Variants in KIF16B observed in about 807,000 individuals in gnomAD.
KIF16B encodes the protein kinesin family member 16B.
KIF16B carries 98 observed loss-of-function variants against 156.3 expected under a neutral mutation model. The observed-to-expected ratio is 0.63, with a 90% CI of 0.53 to 0.74. The LOEUF (loss-of-function observed/expected upper bound fraction) is 0.74, where lower values mean the gene tolerates loss of function less well. Among genes scored for constraint, KIF16B ranks in the 30% least tolerant of loss-of-function variants. KIF16B has a pLI of 0.00. For synonymous variants in KIF16B, 564 were observed against 583.7 expected (o/e 0.97, Z 0.49); for missense variants, 1,421 against 1,606.5 (o/e 0.88, Z 1.97).
Position 16,546,122 on chromosome 20 carries a change from T to A in KIF16B, c.48-17682A>T, listed in dbSNP as rs542766373. Among the ~76,000 whole-genome samples the A allele has an allele frequency of 3.3e-5, 5 of 152,348 alleles. No homozygotes were observed. The East Asian group carries it at 9.6e-4, about 29-fold the overall frequency. ...CAAGCATAGTGCCTAACATGTATAT[T>A]GCCAAGCACAGTGGTTTAATAATTG... On this transcript the variant is annotated intron_variant, in intron 1 of 25. Coordinates refer to ENST00000354981, the MANE Select transcript of KIF16B (RefSeq NM_024704.5).
At chr20:16,502,671 A>G (rs1204413830) in intron 10 of KIF16B, among the ~76,000 whole-genome samples, 1 of 152,196 alleles carries the variant, frequency 6.6e-6, no homozygotes, top group Non-Finnish European at 1.5e-5. Flanking sequence ...GGCATTTTTC[A>G]GAGAGAAAAT....
At position 16,458,749 on chromosome 20, in the gene KIF16B, C is replaced by T. The variant is rs185364507; in HGVS notation, c.1303-28767G>A. Among the ~76,000 whole-genome samples the T allele has an allele frequency of 2.0e-5, 3 of 151,854 alleles. No individual in the cohort carries two copies. In the East Asian group the frequency reaches 5.8e-4, roughly 29 times the overall value. On this transcript the variant is annotated intron_variant, in intron 12 of 25. Transcript: ENST00000354981. The stretch of plus-strand genomic sequence containing the variant: ...GAGGGAATCCATGTACAGGTATATA[C>T]ACACACACATATAAACACACACACA...
At chr20:16,288,558 G>T (rs968238916) in intron 25 of KIF16B, among the ~76,000 whole-genome samples, 1 of 148,800 alleles carries the variant, frequency 6.7e-6, no homozygotes, top group African/African-American at 2.5e-5. Context: ...ATGTACCTTA[G>T]TAAACACAGT....
intron 19 of KIF16B, among the ~76,000 whole-genome samples, chr20:16,378,445 A>C (rs1017439902): frequency 2.6e-5 from 4 of 152,084 alleles, no homozygotes; most frequent in Non-Finnish European, 4.4e-5. Flanking sequence ...GGAGACAGGC[A>C]AGGGAGATAA....
intron 24 of KIF16B, among the ~76,000 whole-genome samples, chr20:16,333,063 T>G (rs2063975964): frequency 6.6e-6 from 1 of 152,114 alleles, no homozygotes. Context: ...AGGAATACAG[T>G]TCAAGGCTCC....
At chr20:16,373,755 C>T (rs961777225) in intron 20 of KIF16B, among the ~76,000 whole-genome samples, 13 of 152,218 alleles carry the variant, frequency 8.5e-5, no homozygotes, top group African/African-American at 2.7e-4. Context: ...CGCCCTCTCA[C>T]TCAAACCACA....
chr20:16,437,367 C>A (rs147657460), intron 12 of KIF16B, among the ~76,000 whole-genome samples: 75 of 152,136 alleles, frequency 4.9e-4, no homozygotes, highest in Non-Finnish European at 9.6e-4. Flanking sequence ...GTCTGGCAAG[C>A]GAAGCAGATG....
intron 17 of KIF16B, among the ~76,000 whole-genome samples, chr20:16,392,648 C>T (rs78925200): frequency 3.1e-3 from 467 of 152,328 alleles, no homozygotes; most frequent in African/African-American, 0.011. Flanking sequence ...TGAAAATGTG[C>T]GCCTCTGTAT....
intron 21 of KIF16B, 54 bp from the exon 22 acceptor site, chr20:16,370,690 G>C (rs531020382): frequency 2.7e-5 from 36 of 1,315,852 alleles, no homozygotes; most frequent in Non-Finnish European, 3.6e-5. Context: ...TTCACGGGGC[G>C]GGGGACTGAT....
At chr20:16,429,775 T>C (rs1019936983) in intron 13 of KIF16B, 88 bp downstream of exon 13, 7 of 1,145,664 alleles carry the variant, frequency 6.1e-6, no homozygotes, top group Middle Eastern at 6.0e-4. Flanking sequence ...GTTGTGTTCA[T>C]GACCATAGAA....
intron 17 of KIF16B, among the ~76,000 whole-genome samples, chr20:16,395,091 C>A (rs2065459060): frequency 6.7e-6 from 1 of 149,380 alleles, no homozygotes; most frequent in South Asian, 2.2e-4. Flanking sequence ...CAACAAAGGG[C>A]ATACCCCTGT....
At position 16,295,433 on chromosome 20, in the gene KIF16B, A is replaced by T. The variant is rs936692443; in HGVS notation, c.3795+16902T>A. On this transcript the variant is annotated intron_variant, in intron 25 of 25. Coordinates refer to ENST00000354981, the MANE Select transcript of KIF16B (RefSeq NM_024704.5). ...ATATCTATAATTGATATCTATACAC[A>T]TCTATAATCTATATAGCTATAATCC... Among the ~76,000 whole-genome samples, 6 of 151,818 alleles carry T rather than the reference A, an allele frequency of 4.0e-5. No homozygotes were observed. The East Asian group carries it at 1.2e-3, about 29-fold the overall frequency.
intron 25 of KIF16B, among the ~76,000 whole-genome samples, chr20:16,296,967 A>G (rs1390797277): frequency 6.6e-6 from 1 of 152,232 alleles, no homozygotes; most frequent in East Asian, 1.9e-4. Context: ...GTAAGAGGGA[A>G]TTAAATCCTG....
chr20:16,382,288 T>C (rs1254495825), intron 17 of KIF16B, among the ~76,000 whole-genome samples: 1 of 152,220 alleles, frequency 6.6e-6, no homozygotes, highest in Non-Finnish European at 1.5e-5. Context: ...AAATATCACA[T>C]TTCCCAATAA....
chr20:16,552,435 T>C (rs1382710980), intron 1 of KIF16B, among the ~76,000 whole-genome samples: 1 of 152,220 alleles, frequency 6.6e-6, no homozygotes, highest in Non-Finnish European at 1.5e-5. Flanking sequence ...AGGTGAGGCC[T>C]CTGGGCCTCC....
chr20:16,351,393 G>A lies in KIF16B; in HGVS notation c.3621+4937C>T, dbSNP rs557335949. On this transcript the variant is annotated intron_variant, in intron 23 of 25. Coordinates refer to ENST00000354981, the MANE Select transcript of KIF16B (RefSeq NM_024704.5). ...TTCAAAATTAAATTTTACCCACTCT[G>A]GTCCTAACTAACTGAAAATGGCAAG... Among the ~76,000 whole-genome samples the A allele has an allele frequency of 4.8e-4, 73 of 152,242 alleles. 1 individual carries two copies. Among genetic ancestry groups the A allele is most frequent in the African/African-American group, 1.5e-3 (64 of 41,546 alleles).
At chr20:16,512,747 T>C (rs2068996527) in intron 5 of KIF16B, 79 bp downstream of exon 5, 9 of 913,928 alleles carry the variant, frequency 9.8e-6, no homozygotes, top group Non-Finnish European at 1.6e-5. Flanking sequence ...ACCTTATCCA[T>C]TTCCAGCACC....
At chr20:16,397,877 C>T (rs567919819) in intron 17 of KIF16B, among the ~76,000 whole-genome samples, 31 of 152,310 alleles carry the variant, frequency 2.0e-4, no homozygotes, top group South Asian at 8.3e-4. Flanking sequence ...AGAGGGCAGA[C>T]GCATCCTTTG....
intron 12 of KIF16B, among the ~76,000 whole-genome samples, chr20:16,430,366 G>C (rs2066465903): frequency 1.3e-5 from 2 of 152,034 alleles, no homozygotes; most frequent in Non-Finnish European, 2.9e-5. Context: ...GTTGAACTGT[G>C]CATGGTCCTG....
Sources: allele counts gnomAD v4.1 joint callset (sites outside exome capture counted in the v4.1 genomes callset), GRCh38; gene constraint gnomAD v4.1.1; transcripts MANE v1.5; gene names NCBI Gene and HGNC (gene_info 2026-07-23, HGNC 2026-07-21).